The following HCN1 variants were observed in gnomAD, a reference collection of about 807,000 sequenced individuals.
HCN1 encodes the protein potassium/sodium hyperpolarization-activated cyclic nucleotide-gated channel 1.
A neutral mutation model predicts 78.9 loss-of-function variants in HCN1; 13 were observed. That is an observed-to-expected ratio of 0.16 (90% confidence interval 0.11 to 0.26). The LOEUF (loss-of-function observed/expected upper bound fraction) is 0.26. Among genes scored for constraint, HCN1 ranks in the 10% least tolerant of loss-of-function variants. The pLI is 1.00. For missense variants in HCN1, 810 were observed against 1,154.3 expected (o/e 0.70, Z 4.32); for synonymous variants, 552 against 455.5 (o/e 1.21, Z -2.70).
rs563142384 is a variant in HCN1 at position 45,583,537 on chromosome 5, A to C, written c.849+61648T>G. 1.6e-3 allele frequency among the ~76,000 whole-genome samples: 244 copies of C among 152,132 alleles called. 6 individuals are homozygous for C. The South Asian group carries it at 0.05, about 31-fold the overall frequency. On this transcript the variant is annotated intron_variant, in intron 2 of 7. Coordinates refer to ENST00000303230, the MANE Select transcript of HCN1 (RefSeq NM_021072.4). ...TGTCTCTATTTTCTTCAGTTCTGCT[A>C]TGATCTTAGTTATTTATTGCCTTCT...
At chr5:45,545,268 C>T (rs1016730215) in intron 2 of HCN1, among the ~76,000 whole-genome samples, 7 of 152,036 alleles carry the variant, frequency 4.6e-5, no homozygotes, top group African/African-American at 1.7e-4. Flanking sequence ...CTGTTCATAT[C>T]CTTTGCCCAC....
At position 45,695,652 on chromosome 5, in the gene HCN1, C is replaced by G. The variant is rs774888673; in HGVS notation, c.425+17G>C. 1.1e-5 allele frequency: 17 copies of G among 1,608,558 alleles called. No individual in the cohort carries two copies. In the South Asian group the frequency reaches 1.1e-4, roughly 10 times the overall value. ...CGCGCCTGAAGGGAGGGTGGGGCGG[C>G]GACCGGGAGCCCTCACCTGAAATCA... On this transcript the variant is annotated intron_variant, in intron 1 of 7. Transcript: ENST00000303230.
intron 2 of HCN1, among the ~76,000 whole-genome samples, chr5:45,625,063 T>G (rs1561224283): frequency 6.6e-6 from 1 of 152,102 alleles, no homozygotes; most frequent in African/African-American, 2.4e-5. Context: ...TTAAAAAAAT[T>G]CATCTGGCTG....
At chr5:45,299,729 CA>C (rs1241048831) in intron 6 of HCN1, among the ~76,000 whole-genome samples, 1 of 151,874 alleles carries the variant, frequency 6.6e-6, no homozygotes, top group African/African-American at 2.4e-5. Flanking sequence ...AACAAATATT[CA>C]AATAACAGGT....
At chr5:45,308,229 A>G (rs1745776298) in intron 5 of HCN1, among the ~76,000 whole-genome samples, 1 of 152,074 alleles carries the variant, frequency 6.6e-6, no homozygotes, top group Admixed American at 6.6e-5. Flanking sequence ...GGTCCTCACT[A>G]GAAACAGATG....
intron 3 of HCN1, among the ~76,000 whole-genome samples, chr5:45,452,980 T>A (rs903533010): frequency 6.6e-6 from 1 of 151,944 alleles, no homozygotes; most frequent in African/African-American, 2.4e-5. Flanking sequence ...CTGTCATATA[T>A]CTCTAGAGTA....
intron 3 of HCN1, among the ~76,000 whole-genome samples, chr5:45,457,107 T>C (rs1421198239): frequency 6.6e-6 from 1 of 152,052 alleles, no homozygotes; most frequent in East Asian, 1.9e-4. Context: ...TCCCTGACAG[T>C]AAACCTATAG....
intron 3 of HCN1, among the ~76,000 whole-genome samples, chr5:45,405,794 C>T (rs1739907243): frequency 6.6e-6 from 1 of 152,196 alleles, no homozygotes; most frequent in African/African-American, 2.4e-5. Flanking sequence ...AGGGTTTAAA[C>T]AGTTTTTAAC....
rs1366465607 is a variant in HCN1 at position 45,260,678 on chromosome 5, CTT to C, written c.*1241_*1242del. The C allele has an allele frequency of 1.3e-5, 2 of 152,554 alleles. No homozygotes were observed. Among genetic ancestry groups the C allele is most frequent in the African/African-American group, 2.4e-5 (1 of 41,416 alleles). 9.5% of individuals were successfully genotyped at this position (152,554 alleles called of 1,614,324 possible). A position where few individuals can be genotyped will look rare whatever the true frequency, so the allele number is the denominator to read the frequency against. ...AGCTACAGTGAAGACACAGACAACA[CTT>C]AACTCCAAATCAAGCTGTGGTTTAC... On this transcript the variant is annotated 3_prime_UTR_variant, in exon 8 of 8. Transcript: ENST00000303230.
intron 2 of HCN1, among the ~76,000 whole-genome samples, chr5:45,526,353 C>G (rs953440664): frequency 1.1e-4 from 16 of 152,008 alleles, no homozygotes; most frequent in Admixed American, 7.2e-4. Flanking sequence ...AACTAAACTC[C>G]CTGGGAGACA....
chr5:45,456,953 T>C (rs1376719299), intron 3 of HCN1, among the ~76,000 whole-genome samples: 1 of 152,074 alleles, frequency 6.6e-6, no homozygotes, highest in Non-Finnish European at 1.5e-5. Flanking sequence ...TGACACAACC[T>C]GCTCCAACTA....
chr5:45,378,535 GA>G (rs1334669568), intron 4 of HCN1, among the ~76,000 whole-genome samples: 4 of 152,066 alleles, frequency 2.6e-5, no homozygotes, highest in African/African-American at 9.7e-5. Flanking sequence ...TCTCCATGTG[GA>G]GGTTGATAAG....
chr5:45,429,257 T>C (rs574415806), intron 3 of HCN1, among the ~76,000 whole-genome samples: 3 of 152,304 alleles, frequency 2.0e-5, no homozygotes, highest in African/African-American at 4.8e-5. Flanking sequence ...CAAAAGTTAG[T>C]GGATTAAAAT....
At chr5:45,504,161 T>C (rs1382929009) in intron 2 of HCN1, among the ~76,000 whole-genome samples, 1 of 152,144 alleles carries the variant, frequency 6.6e-6, no homozygotes, top group Non-Finnish European at 1.5e-5. Context: ...GCAGGTTTGT[T>C]ACATATGTAT....
intron 2 of HCN1, among the ~76,000 whole-genome samples, chr5:45,476,736 G>T (rs1207104195): frequency 6.6e-6 from 1 of 152,010 alleles, no homozygotes; most frequent in Admixed American, 6.6e-5. Flanking sequence ...ACAGGCTGAG[G>T]ATCTCTAATA....
intron 5 of HCN1, among the ~76,000 whole-genome samples, chr5:45,315,488 C>T (rs1230988544): frequency 6.6e-6 from 1 of 152,096 alleles, no homozygotes; most frequent in African/African-American, 2.4e-5. Flanking sequence ...GACACCCTAA[C>T]ATCACAATTA....
intron 1 of HCN1, among the ~76,000 whole-genome samples, chr5:45,648,975 A>C (rs766060577): frequency 5.3e-5 from 8 of 151,772 alleles, no homozygotes; most frequent in Non-Finnish European, 1.0e-4. Flanking sequence ...TTGTCAAGGC[A>C]CTCCAGGATA....
At chr5:45,424,117 TCCAAAAA>T (rs1462808880) in intron 3 of HCN1, among the ~76,000 whole-genome samples, 26 of 48,738 alleles carry the variant, frequency 5.3e-4, no homozygotes, top group Admixed American at 2.7e-3. Context: ...CTACTAAAAA[TCCAAAAA>T]AAAAAAAAAA....
At chr5:45,450,035 G>T (rs762247049) in intron 3 of HCN1, among the ~76,000 whole-genome samples, 1 of 152,116 alleles carries the variant, frequency 6.6e-6, no homozygotes, top group African/African-American at 2.4e-5. Context: ...GTTTCACCAT[G>T]TTAGCCAGGA....
Sources: allele counts gnomAD v4.1 joint callset (sites outside exome capture counted in the v4.1 genomes callset), GRCh38; gene constraint gnomAD v4.1.1; transcripts MANE v1.5; gene names NCBI Gene and HGNC (gene_info 2026-07-23, HGNC 2026-07-21).